Variants in LMX1A observed in about 807,000 individuals in gnomAD.
LMX1A encodes the protein LIM homeobox transcription factor 1-alpha.
In LMX1A, 15 loss-of-function variants were observed where a neutral mutation model predicts 49.1. That is an observed-to-expected ratio of 0.31 (90% CI 0.20 to 0.47). LMX1A has a LOEUF of 0.47. Ranked by LOEUF, LMX1A falls within the 20% of genes least tolerant of loss-of-function variation. The pLI is 1.00. For missense variants in LMX1A, 372 were observed against 475.8 expected (o/e 0.78, Z 2.03); for synonymous variants, 167 against 185.7 (o/e 0.90, Z 0.82).
At chr1:165,230,156 C>T (rs1652189251) in intron 4 of LMX1A, among the ~76,000 whole-genome samples, 1 of 152,172 alleles carries the variant, frequency 6.6e-6, no homozygotes, top group South Asian at 2.1e-4. Flanking sequence ...GGACCCTGAC[C>T]TCCAACTTCC....
chr1:165,214,136 G>A (rs915989641), intron 4 of LMX1A, among the ~76,000 whole-genome samples: 8 of 152,242 alleles, frequency 5.3e-5, no homozygotes, highest in African/African-American at 1.9e-4. Context: ...ATCTCCACGT[G>A]TTGATGGAGG....
intron 3 of LMX1A, among the ~76,000 whole-genome samples, chr1:165,317,189 A>C (rs889437991): frequency 6.6e-6 from 1 of 152,176 alleles, no homozygotes; most frequent in Admixed American, 6.5e-5. Context: ...CAGAACAAGG[A>C]GAGTAGAGAG....
At chr1:165,210,481 A>G in intron 6 of LMX1A, 1 of 403,342 alleles carries the variant, frequency 2.5e-6, no homozygotes. Flanking sequence ...GGCTGCTAGG[A>G]AAATACAAGC....
chr1:165,307,153 A>G (rs903882951), intron 3 of LMX1A, among the ~76,000 whole-genome samples: 2 of 152,226 alleles, frequency 1.3e-5, no homozygotes, highest in Non-Finnish European at 2.9e-5. Flanking sequence ...GTGCTGACCA[A>G]TACAGGAAGG....
chr1:165,335,284 G>A (rs1655864703), intron 3 of LMX1A, among the ~76,000 whole-genome samples: 1 of 152,076 alleles, frequency 6.6e-6, no homozygotes, highest in South Asian at 2.1e-4. Flanking sequence ...AAAATTTGAA[G>A]ACTTTGAACT....
intron 3 of LMX1A, among the ~76,000 whole-genome samples, chr1:165,266,721 C>T (rs1369513135): frequency 2.0e-5 from 3 of 150,792 alleles, no homozygotes; most frequent in Non-Finnish European, 3.0e-5. Flanking sequence ...CCTGCCTCAG[C>T]CTCCTGAGTA....
intron 3 of LMX1A, among the ~76,000 whole-genome samples, chr1:165,284,486 T>A (rs1407305384): frequency 6.6e-6 from 1 of 152,170 alleles, no homozygotes; most frequent in African/African-American, 2.4e-5. Flanking sequence ...AAGCTAATAT[T>A]AAGAGTGAAT....
In LMX1A at chr1:165,213,797, T is replaced by C. The variant is rs1331170158; in HGVS notation, c.513A>G (p.Glu171=). The part of the protein sequence containing the change: ...AASDSGKSDD[E]ESLCKSAHGA... ...CATGGGCTGACTTGCAGAGACTTTCTTCATCATCACTTTTACCTGAAAGAA... is the reference window on the plus strand; with the variant it reads ...CATGGGCTGACTTGCAGAGACTTTCCTCATCATCACTTTTACCTGAAAGAA... The change falls in exon 5 of 9, where the codon GAA becomes GAG. Residue 171 remains glutamate, a synonymous_variant. Coordinates refer to ENST00000342310, the MANE Select transcript of LMX1A (RefSeq NM_177398.4). 2 of 1,613,946 alleles carry C rather than the reference T, an allele frequency of 1.2e-6. No homozygotes were observed. Among genetic ancestry groups the C allele is most frequent in the Non-Finnish European group, 1.7e-6 (2 of 1,180,014 alleles).
chr1:165,264,422 A>G (rs1653551369), intron 3 of LMX1A, among the ~76,000 whole-genome samples: 1 of 151,612 alleles, frequency 6.6e-6, no homozygotes, highest in South Asian at 2.1e-4. Flanking sequence ...ATATGCTCGC[A>G]CACACACACA....
chr1:165,228,711 T>C (rs900688836), intron 4 of LMX1A, among the ~76,000 whole-genome samples: 2 of 152,236 alleles, frequency 1.3e-5, no homozygotes, highest in Non-Finnish European at 2.9e-5. Flanking sequence ...TAATAAGACA[T>C]GGCAAACATT....
intron 3 of LMX1A, among the ~76,000 whole-genome samples, chr1:165,264,629 G>C (rs1653557285): frequency 6.6e-6 from 1 of 152,100 alleles, no homozygotes; most frequent in South Asian, 2.1e-4. Flanking sequence ...TGCACTCTCA[G>C]ATCTTATAAG....
At chr1:165,305,634 G>A (rs1179435946) in intron 3 of LMX1A, among the ~76,000 whole-genome samples, 4 of 152,162 alleles carry the variant, frequency 2.6e-5, no homozygotes, top group Admixed American at 6.5e-5. Flanking sequence ...CAGTGAAAAC[G>A]TCAAATTGGA....
At chr1:165,272,571 C>T (rs931893340) in intron 3 of LMX1A, among the ~76,000 whole-genome samples, 1 of 152,090 alleles carries the variant, frequency 6.6e-6, no homozygotes, top group Non-Finnish European at 1.5e-5. Context: ...GAACAATGAC[C>T]ATAGTGGCGA....
intron 4 of LMX1A, among the ~76,000 whole-genome samples, chr1:165,240,874 A>G (rs2102629295): frequency 6.6e-6 from 1 of 152,276 alleles, no homozygotes; most frequent in South Asian, 2.1e-4. Context: ...GGATAACTAT[A>G]TGCCAGGAAG....
At chr1:165,350,697 G>T (rs1438360112) in intron 3 of LMX1A, among the ~76,000 whole-genome samples, 1 of 152,082 alleles carries the variant, frequency 6.6e-6, no homozygotes, top group Non-Finnish European at 1.5e-5. Flanking sequence ...AACGAAAAAA[G>T]GAATTTTAAA....
At chr1:165,339,136 T>C (rs1322611377) in intron 3 of LMX1A, among the ~76,000 whole-genome samples, 1 of 152,176 alleles carries the variant, frequency 6.6e-6, no homozygotes, top group East Asian at 1.9e-4. Flanking sequence ...TCAAAGATTC[T>C]AAAAACCCAC....
intron 3 of LMX1A, among the ~76,000 whole-genome samples, chr1:165,252,204 T>A (rs1156750590): frequency 6.6e-6 from 1 of 152,226 alleles, no homozygotes; most frequent in African/African-American, 2.4e-5. Flanking sequence ...GGGTACTCAC[T>A]AAAAGTTGAT....
At chr1:165,256,152 C>T (rs16841720) in intron 3 of LMX1A, among the ~76,000 whole-genome samples, 6,228 of 152,142 alleles carry the variant, frequency 0.041, 431 homozygotes, top group African/African-American at 0.14. Flanking sequence ...TACACCAAGC[C>T]GTGGGCGTCT....
At chr1:165,263,958 G>A (rs146668108) in intron 3 of LMX1A, among the ~76,000 whole-genome samples, 1 of 152,296 alleles carries the variant, frequency 6.6e-6, no homozygotes, top group South Asian at 2.1e-4. Flanking sequence ...TGATATGGTA[G>A]TGCTGAATGA....
Sources: gnomAD v4.1 joint callset for allele counts (sites outside exome capture counted in the v4.1 genomes callset) on GRCh38, gnomAD v4.1.1 for gene constraint, MANE v1.5 for transcripts, NCBI Gene and HGNC (gene_info 2026-07-23, HGNC 2026-07-21) for gene names.